IQCH: variants seen among roughly 807,000 people sequenced by gnomAD.
IQCH encodes IQ domain-containing protein H.
Under a neutral mutation model 117.0 loss-of-function variants are expected in IQCH, and 98 were observed. That is an observed-to-expected ratio of 0.84 (90% confidence interval 0.71 to 0.99). The LOEUF (loss-of-function observed/expected upper bound fraction) is 0.99, where lower values mean the gene tolerates loss of function less well. IQCH is among the 50% of genes least tolerant of loss of function. The probability of loss-of-function intolerance (pLI) is 0.00; values close to 1 mark genes in which losing one functional copy is unlikely to be tolerated. For synonymous variants in IQCH, 412 were observed against 448.2 expected (o/e 0.92, Z 1.02); for missense variants, 1,102 against 1,243.8 (o/e 0.89, Z 1.72).
In IQCH at chr15:67,413,666, C is replaced by T. The variant is rs556984866; in HGVS notation, c.2098-3265C>T. On this transcript the variant is annotated intron_variant, in intron 14 of 20. Coordinates refer to ENST00000335894, the MANE Select transcript of IQCH (RefSeq NM_001031715.3). This position sits in a 1 kb window ranked among gnomAD's most constrained non-coding sequence, Gnocchi z 5.0. ...AAATTAAACAGTTAATACCCCTCTC[C>T]TCTTACCTCGCATTATTCCTCTCCA... is the stretch of plus-strand genomic sequence containing the variant. 6.6e-6 allele frequency: 1 copy of T among 152,288 alleles called. No homozygotes were observed. Among genetic ancestry groups the T allele is most frequent in the East Asian group, 1.9e-4 (1 of 5,180 alleles). The allele number at this position is 152,288 out of a possible 1,614,324, so 9.4% of individuals were successfully genotyped here.
rs1159301167 is a variant in IQCH, at chr15:67,422,031, AG to A, written c.2505+455del. Reference sequence around the variant, plus strand: ...GGAGAATCACTTGAACCCGGGAGGCAGAGGTTGCAATGAGCCGAGATCATGC... The same window carrying A: ...GGAGAATCACTTGAACCCGGGAGGCAAGGTTGCAATGAGCCGAGATCATGC... On this transcript the variant is annotated intron_variant, in intron 16 of 20. Coordinates refer to ENST00000335894, the MANE Select transcript of IQCH (RefSeq NM_001031715.3). This position sits in a 1 kb window ranked among gnomAD's most constrained non-coding sequence, Gnocchi z 4.7. Among the ~76,000 whole-genome samples the A allele has an allele frequency of 6.6e-6, 1 of 151,884 alleles. No individual in the cohort carries two copies. Among genetic ancestry groups the A allele is most frequent in the African/African-American group, 2.4e-5 (1 of 41,326 alleles).
chr15:67,454,468 A>G lies in IQCH; in HGVS notation c.2506-10659A>G, dbSNP rs573572922. Among the ~76,000 whole-genome samples the G allele has an allele frequency of 6.6e-6, 1 of 152,330 alleles. No individual in the cohort carries two copies. The highest frequency in any genetic ancestry group is 2.1e-4 in the South Asian group (1 of 4,830). On this transcript the variant is annotated intron_variant, in intron 16 of 20. Transcript: ENST00000335894. The surrounding 1 kb of genome is among the most constrained non-coding windows in gnomAD (Gnocchi z 5.2). ...AATATACATTACAATGGTTTTTAGT[A>G]TATTCACAGAGTTGTGCAACCATCA...
At position 67,425,527 on chromosome 15, in the gene IQCH, A is replaced by G. The variant is rs576631424; in HGVS notation, c.2505+3950A>G. On this transcript the variant is annotated intron_variant, in intron 16 of 20. Coordinates refer to ENST00000335894, the MANE Select transcript of IQCH (RefSeq NM_001031715.3). The surrounding 1 kb of genome is among the most constrained non-coding windows in gnomAD (Gnocchi z 5.5). ...CCCGGGAGGCTAAGGCAGGAGAATC[A>G]CTTGAACCCAGGAGGTGGAGGTTGC... Among the ~76,000 whole-genome samples, 1 of 152,196 alleles carries G rather than the reference A, an allele frequency of 6.6e-6. No individual in the cohort carries two copies. Among genetic ancestry groups the G allele is most frequent in the Admixed American group, 6.5e-5 (1 of 15,296 alleles).
intron 3 of IQCH, among the ~76,000 whole-genome samples, chr15:67,273,605 A>G (rs1443084833): frequency 2.0e-5 from 3 of 152,180 alleles, no homozygotes; most frequent in Admixed American, 6.5e-5. Flanking sequence ...CTCACCTTAC[A>G]TAGTTTTATA....
chr15:67,336,457 TATCTTCTCTAACTGATCTAG>T (rs1968896995), intron 4 of IQCH, among the ~76,000 whole-genome samples: 1 of 152,214 alleles, frequency 6.6e-6, no homozygotes, highest in Admixed American at 6.5e-5. Flanking sequence ...GAAAAGTAAT[TATCTTCTCTAACTGATCTAG>T]ATATTGTGTC....
intron 18 of IQCH, among the ~76,000 whole-genome samples, chr15:67,486,837 A>G (rs2083495604): frequency 1.3e-5 from 2 of 152,356 alleles, no homozygotes; most frequent in African/African-American, 4.8e-5. Flanking sequence ...AATTATTGAG[A>G]TAGTCCTACT....
At chr15:67,442,863 G>GATAGATAGATAGATA (rs1555499849) in intron 16 of IQCH, among the ~76,000 whole-genome samples, 12 of 115,936 alleles carry the variant, frequency 1.0e-4, no homozygotes, top group African/African-American at 4.1e-4. Flanking sequence ...TAGATAGATA[G>GATAGATAGATAGATA]ATATACATAT....
chr15:67,470,739 T>C (rs1054880308), intron 17 of IQCH, among the ~76,000 whole-genome samples: 1 of 152,250 alleles, frequency 6.6e-6, no homozygotes, highest in African/African-American at 2.4e-5. Context: ...TATATTCACA[T>C]GGTTCAAAAG....
At chr15:67,255,796 G>A (rs941678467) in intron 1 of IQCH, among the ~76,000 whole-genome samples, 1 of 152,152 alleles carries the variant, frequency 6.6e-6, no homozygotes, top group African/African-American at 2.4e-5. Flanking sequence ...ATCTAGGAGA[G>A]ACTTCCCTAA....
chr15:67,274,562 T>C (rs1966043106), intron 3 of IQCH, among the ~76,000 whole-genome samples: 4 of 152,210 alleles, frequency 2.6e-5, no homozygotes, highest in Admixed American at 2.6e-4. Flanking sequence ...TAATTGATTT[T>C]CTGTGTTATC....
chr15:67,316,925 C>T (rs943260302), intron 4 of IQCH, among the ~76,000 whole-genome samples: 11 of 152,020 alleles, frequency 7.2e-5, no homozygotes, highest in African/African-American at 2.7e-4. Context: ...TTCTTAATGA[C>T]CAAGGAATTC....
intron 10 of IQCH, among the ~76,000 whole-genome samples, chr15:67,379,154 T>C (rs2140811994): frequency 6.6e-6 from 1 of 152,340 alleles, no homozygotes; most frequent in African/African-American, 2.4e-5. Flanking sequence ...GATTCTCATA[T>C]CTGCTTCTGT....
intron 12 of IQCH, among the ~76,000 whole-genome samples, chr15:67,392,947 G>A (rs983625474): frequency 1.3e-5 from 2 of 152,078 alleles, no homozygotes; most frequent in African/African-American, 2.4e-5. Context: ...TTTTAAAATT[G>A]TGGTAAAATA....
intron 8 of IQCH, among the ~76,000 whole-genome samples, chr15:67,360,894 G>A (rs1034775956): frequency 6.6e-6 from 1 of 152,192 alleles, no homozygotes; most frequent in Admixed American, 6.5e-5. Flanking sequence ...TTCCTCTTAC[G>A]TCCCTTGACG....
Position 67,417,614 on chromosome 15 carries a change from T to C in IQCH, c.2218+563T>C, listed in dbSNP as rs1457487830. 6.6e-6 allele frequency among the ~76,000 whole-genome samples: 1 copy of C among 152,136 alleles called. No homozygotes were observed. Among genetic ancestry groups the C allele is most frequent in the Non-Finnish European group, 1.5e-5 (1 of 68,024 alleles). ...AGGAACAAAGCGAGCCTCCATTCCT[T>C]TCATCCTCCTCCTCCTACTTCATCC... On this transcript the variant is annotated intron_variant, in intron 15 of 20. Transcript: ENST00000335894. The surrounding 1 kb of genome is among the most constrained non-coding windows in gnomAD (Gnocchi z 4.3).
intron 16 of IQCH, among the ~76,000 whole-genome samples, chr15:67,455,454 T>A (rs559268859): frequency 1.2e-4 from 19 of 152,320 alleles, no homozygotes; most frequent in African/African-American, 4.6e-4. Context: ...AGTCCATATT[T>A]CTTGCCTATA....
intron 3 of IQCH, among the ~76,000 whole-genome samples, chr15:67,272,928 T>C (rs1965962897): frequency 6.6e-6 from 1 of 152,206 alleles, no homozygotes; most frequent in Non-Finnish European, 1.5e-5. Context: ...TTATTATTGC[T>C]GAGTAAAGAC....
intron 4 of IQCH, among the ~76,000 whole-genome samples, chr15:67,296,995 G>A (rs541937845): frequency 6.6e-6 from 1 of 152,304 alleles, no homozygotes; most frequent in South Asian, 2.1e-4. Flanking sequence ...CTGTAGGAAT[G>A]AGAAAACGGA....
At chr15:67,257,125 T>G (rs1965255013) in intron 1 of IQCH, among the ~76,000 whole-genome samples, 1 of 152,230 alleles carries the variant, frequency 6.6e-6, no homozygotes, top group African/African-American at 2.4e-5. Context: ...ACCATGACTT[T>G]GACAGTCTCA....
Sources: allele counts gnomAD v4.1 joint callset (sites outside exome capture counted in the v4.1 genomes callset), GRCh38; gene constraint gnomAD v4.1.1; non-coding constraint Gnocchi (gnomAD v3.1); transcripts MANE v1.5; gene names NCBI Gene and HGNC (gene_info 2026-07-23, HGNC 2026-07-21).